The following ITGA4 variants were observed in gnomAD, a reference collection of about 807,000 sequenced individuals.
ITGA4 encodes integrin alpha-4.
In ITGA4, 63 loss-of-function variants were observed where a neutral mutation model predicts 133.6. The observed-to-expected ratio is 0.47, with a 90% confidence interval of 0.38 to 0.58. The LOEUF is 0.58. Ranked by LOEUF, ITGA4 falls within the 20% of genes least tolerant of loss-of-function variation. The probability of loss-of-function intolerance (pLI) is 0.00; values close to 1 mark genes in which losing one functional copy is unlikely to be tolerated. For synonymous variants in ITGA4, 483 were observed against 438.0 expected, an observed-to-expected ratio of 1.10 and a Z score of -1.28; for missense variants, 1,076 against 1,252.7, an observed-to-expected ratio of 0.86 and a Z score of 2.13.
chr2:181,473,008 G>A (rs953026343), intron 2 of ITGA4, among the ~76,000 whole-genome samples: 2 of 152,176 alleles, frequency 1.3e-5, no homozygotes, highest in African/African-American at 4.8e-5. Flanking sequence ...CCTCCCTTCA[G>A]TCTAGTTCTC....
At chr2:181,535,010 A>T in intron 27 of ITGA4, 75 bp downstream of exon 27, 1 of 1,444,594 alleles carries the variant, frequency 6.9e-7, no homozygotes, top group South Asian at 1.4e-5. Context: ...CTTCCAAGTT[A>T]TTAGATTTAA....
In ITGA4 at chr2:181,505,637, T is replaced by G. The variant is rs908685843; in HGVS notation, c.1696-4021T>G. ...TACAGCTTTTGTCCTTAGGTGGAGC[T>G]GTTAAAGTTAAATAAGTGTGAATAT... On this transcript the variant is annotated intron_variant, in intron 15 of 27. Coordinates refer to ENST00000397033, the MANE Select transcript of ITGA4 (RefSeq NM_000885.6). Among the ~76,000 whole-genome samples the G allele has an allele frequency of 2.0e-5, 3 of 152,256 alleles. No homozygotes were observed. In the East Asian group the frequency reaches 5.8e-4, roughly 29 times the overall value.
At chr2:181,518,550 T>C (rs969419772) in intron 17 of ITGA4, among the ~76,000 whole-genome samples, 1 of 152,100 alleles carries the variant, frequency 6.6e-6, no homozygotes, top group South Asian at 2.1e-4. Context: ...ATTAATTTAC[T>C]CATCAATTGG....
intron 10 of ITGA4, among the ~76,000 whole-genome samples, chr2:181,488,940 T>G (rs1253428598): frequency 2.0e-5 from 3 of 152,230 alleles, no homozygotes; most frequent in African/African-American, 4.8e-5. Flanking sequence ...ATTGCTGATG[T>G]GGAAACAGGG....
intron 27 of ITGA4, 46 bp from the exon 28 acceptor site, chr2:181,535,386 G>C (rs1300729934): frequency 7.2e-7 from 1 of 1,392,208 alleles, no homozygotes; most frequent in Non-Finnish European, 9.9e-7. Flanking sequence ...GTAGATAAGA[G>C]AGTGTTCATA....
intron 15 of ITGA4, among the ~76,000 whole-genome samples, chr2:181,504,591 C>T (rs1207886020): frequency 1.3e-5 from 2 of 151,934 alleles, no homozygotes; most frequent in Admixed American, 6.6e-5. Context: ...TATCACTGTA[C>T]TAATATTATG....
intron 4 of ITGA4, among the ~76,000 whole-genome samples, chr2:181,478,545 A>G (rs1685733189): frequency 6.6e-6 from 1 of 152,060 alleles, no homozygotes; most frequent in Non-Finnish European, 1.5e-5. Context: ...CTTCCTATGA[A>G]GAAGCAGAGG....
intron 24 of ITGA4, 70 bp from the exon 25 acceptor site, chr2:181,531,587 A>T: frequency 1.2e-6 from 1 of 821,066 alleles, no homozygotes; most frequent in South Asian, 2.3e-5. Flanking sequence ...ATTAAATTCT[A>T]TATAAAATAT....
At chr2:181,521,790 C>T (rs1458864642) in intron 17 of ITGA4, among the ~76,000 whole-genome samples, 1 of 152,118 alleles carries the variant, frequency 6.6e-6, no homozygotes, top group African/African-American at 2.4e-5. Flanking sequence ...TTTCCTCCCT[C>T]GGTTCAGGCA....
intron 14 of ITGA4, among the ~76,000 whole-genome samples, chr2:181,496,881 A>G (rs1686168245): frequency 6.6e-6 from 1 of 152,188 alleles, no homozygotes; most frequent in South Asian, 2.1e-4. Flanking sequence ...AACATCGTGA[A>G]GGGCCCACAT....
chr2:181,482,736 T>A, intron 9 of ITGA4, 85 bp downstream of exon 9: 1 of 1,299,904 alleles, frequency 7.7e-7, no homozygotes, highest in East Asian at 2.3e-5. Context: ...TCTGAGATTG[T>A]TTTCAGGTTT....
chr2:181,538,257 T>C lies in ITGA4; in HGVS notation c.*2730T>C. 1 of 1,524,746 alleles carries C rather than the reference T, an allele frequency of 6.6e-7. No individual in the cohort carries two copies. The highest frequency in any genetic ancestry group is 1.4e-5 in the African/African-American group (1 of 73,158). The allele number at this position is 1,524,746 out of a possible 1,614,324, so 94.5% of individuals were successfully genotyped here. ...TCTTGGATGCAATCTGTAAAGAAAATACATTATTTCATCAACTTATTTTGT... is the reference window on the plus strand; with the variant it reads ...TCTTGGATGCAATCTGTAAAGAAAACACATTATTTCATCAACTTATTTTGT... On this transcript the variant is annotated 3_prime_UTR_variant, in exon 28 of 28. Coordinates refer to ENST00000397033, the MANE Select transcript of ITGA4 (RefSeq NM_000885.6).
chr2:181,490,184 A>G (rs1686017398), intron 10 of ITGA4, among the ~76,000 whole-genome samples: 1 of 152,198 alleles, frequency 6.6e-6, no homozygotes, highest in Admixed American at 6.5e-5. Flanking sequence ...CAGGCCCAGG[A>G]TGTGGGGCCA....
In ITGA4 at chr2:181,509,705, C is replaced by T. The variant is rs1686466947; in HGVS notation, c.1743C>T (p.Tyr581=). 6.2e-7 allele frequency: 1 copy of T among 1,610,200 alleles called. No individual in the cohort carries two copies. Among genetic ancestry groups the T allele is most frequent in the African/African-American group, 1.3e-5 (1 of 74,656 alleles). The change falls in exon 16 of 28, where the codon TAC becomes TAT. Residue 581 remains tyrosine (Y), a synonymous_variant. Coordinates refer to ENST00000397033, the MANE Select transcript of ITGA4 (RefSeq NM_000885.6). ...ILTPIQIEAA[Y]HLGPHVISKR... is the part of the protein sequence containing the mutation. ...CCCCAATTCAGATTGAAGCTGCTTACCACCTTGGTCCTCATGTCATCAGTA... is the reference window on the plus strand; with the variant it reads ...CCCCAATTCAGATTGAAGCTGCTTATCACCTTGGTCCTCATGTCATCAGTA...
At chr2:181,481,888 A>C (rs544943597) in intron 7 of ITGA4, among the ~76,000 whole-genome samples, 9 of 152,336 alleles carry the variant, frequency 5.9e-5, no homozygotes, top group African/African-American at 2.2e-4. Flanking sequence ...TACAAAAGTC[A>C]AACGAGACAT....
At chr2:181,530,768 T>C in intron 24 of ITGA4, 119 bp downstream of exon 24, 1 of 903,996 alleles carries the variant, frequency 1.1e-6, no homozygotes, top group South Asian at 1.7e-5. Flanking sequence ...CAAGTTTAGG[T>C]AGTATTCTTG....
At chr2:181,503,446 TTAG>T (rs1210640266) in intron 15 of ITGA4, among the ~76,000 whole-genome samples, 7 of 152,016 alleles carry the variant, frequency 4.6e-5, no homozygotes, top group Non-Finnish European at 8.8e-5. Flanking sequence ...ATTTATCCGG[TTAG>T]TAGGGGAATC....
chr2:181,537,434 C>CTTGTATCATGAATTTTAA lies in ITGA4; in HGVS notation c.*1908_*1925dup, dbSNP rs1559063770. ...TATTTGTTATCAACTTACTTTGTTACTTGTATCATGAATTTTAAAACCCTA... is the reference window on the plus strand; with the variant it reads ...TATTTGTTATCAACTTACTTTGTTACTTGTATCATGAATTTTAATTGTATCATGAATTTTAAAACCCTA... On this transcript the variant is annotated 3_prime_UTR_variant, in exon 28 of 28. Coordinates refer to ENST00000397033, the MANE Select transcript of ITGA4 (RefSeq NM_000885.6). 1 of 453,830 alleles carries CTTGTATCATGAATTTTAA rather than the reference C, an allele frequency of 2.2e-6. No homozygotes were observed. Among genetic ancestry groups the CTTGTATCATGAATTTTAA allele is most frequent in the Admixed American group, 2.4e-5 (1 of 42,522 alleles). The allele number at this position is 453,830 out of a possible 1,614,324, so 28.1% of individuals were successfully genotyped here.
intron 17 of ITGA4, among the ~76,000 whole-genome samples, chr2:181,513,083 C>T (rs181516406): frequency 3.5e-4 from 53 of 152,154 alleles, no homozygotes; most frequent in Non-Finnish European, 2.2e-4. Flanking sequence ...TATCCTACTC[C>T]CATTGTCTTA....
Sources: allele counts gnomAD v4.1 joint callset (sites outside exome capture counted in the v4.1 genomes callset), GRCh38; gene constraint gnomAD v4.1.1; transcripts MANE v1.5; gene names NCBI Gene and HGNC (gene_info 2026-07-23, HGNC 2026-07-21).